The following ATP2C1 variants were observed in gnomAD, a reference collection of about 807,000 sequenced individuals.
ATP2C1 encodes ATPase secretory pathway Ca2+ transporting 1.
Under a neutral mutation model 120.5 loss-of-function variants are expected in ATP2C1, and 31 were observed. The ratio of observed to expected loss-of-function variants is 0.26; its 90% CI spans 0.19 to 0.35. ATP2C1 has a LOEUF of 0.35. Among genes scored for constraint, ATP2C1 ranks in the 10% least tolerant of loss-of-function variants. The probability of loss-of-function intolerance (pLI) is 1.00; values close to 1 mark genes in which losing one functional copy is unlikely to be tolerated. For synonymous variants in ATP2C1, 351 were observed against 358.7 expected (o/e 0.98, Z 0.24); for missense variants, 731 against 1,107.5 (o/e 0.66, Z 4.83).
intron 8 of ATP2C1, among the ~76,000 whole-genome samples, chr3:130,945,718 G>A (rs1466794031): frequency 6.6e-6 from 1 of 152,024 alleles, no homozygotes; most frequent in Non-Finnish European, 1.5e-5. Context: ...TGGCTTCATA[G>A]TATTCCCTGC....
At chr3:131,008,710 C>T (rs2063207537) in intron 26 of ATP2C1, among the ~76,000 whole-genome samples, 1 of 152,126 alleles carries the variant, frequency 6.6e-6, no homozygotes, top group African/African-American at 2.4e-5. Flanking sequence ...AAAATAGGCC[C>T]TGTACCTTGC....
At chr3:130,987,300 G>T (rs1197943724) in intron 20 of ATP2C1, among the ~76,000 whole-genome samples, 1 of 149,616 alleles carries the variant, frequency 6.7e-6, no homozygotes, top group African/African-American at 2.5e-5. Context: ...ACGTAGCCTC[G>T]TCTTCTGCTT....
intron 2 of ATP2C1, among the ~76,000 whole-genome samples, chr3:130,900,825 T>C (rs545021215): frequency 6.6e-6 from 1 of 152,330 alleles, no homozygotes; most frequent in Non-Finnish European, 1.5e-5. Context: ...GTAGTATAAA[T>C]AAATTAGCCT....
intron 1 of ATP2C1, among the ~76,000 whole-genome samples, chr3:130,883,399 T>G (rs1183025243): frequency 6.6e-6 from 1 of 152,168 alleles, no homozygotes; most frequent in Non-Finnish European, 1.5e-5. Flanking sequence ...TTTGATGTGC[T>G]ATTGCTTTTC....
rs1177136551 is a variant in ATP2C1 at position 131,015,223 on chromosome 3, T to C, written c.2630-929T>C. The C allele has an allele frequency of 3.3e-5, 23 of 702,302 alleles. No homozygotes were observed. In the East Asian group the frequency reaches 5.6e-4, roughly 17 times the overall value. The allele number at this position is 702,302 out of a possible 1,614,324, so 43.5% of individuals were successfully genotyped here. A position where few individuals can be genotyped will look rare whatever the true frequency, so the allele number is the denominator to read the frequency against. Reference sequence around the variant, plus strand: ...TCCCACCATATTTTGTATGCGTCCATATATCCTCATTCAAAGTATTGAAGG... The same window carrying C: ...TCCCACCATATTTTGTATGCGTCCACATATCCTCATTCAAAGTATTGAAGG... On this transcript the variant is annotated intron_variant, in intron 26 of 26. Transcript: ENST00000328560.
At position 130,894,998 on chromosome 3, in the gene ATP2C1, T is replaced by G. The variant is rs1203359190; in HGVS notation, c.6+223T>G. ...TGTGGGTGACTGAGCTTGATTCAGC[T>G]TTCTTGAGGAATTCCTGCTCTCTTC... On this transcript the variant is annotated intron_variant, in intron 2 of 27. Transcript: ENST00000510168. The surrounding 1 kb of genome is among the most constrained non-coding windows in gnomAD (Gnocchi z 4.5). Among the ~76,000 whole-genome samples the G allele has an allele frequency of 6.6e-6, 1 of 152,186 alleles. No homozygotes were observed. Among genetic ancestry groups the G allele is most frequent in the Non-Finnish European group, 1.5e-5 (1 of 68,038 alleles).
At chr3:130,884,895 A>T (rs2068911750) in intron 1 of ATP2C1, among the ~76,000 whole-genome samples, 1 of 149,236 alleles carries the variant, frequency 6.7e-6, no homozygotes, top group South Asian at 2.1e-4. Flanking sequence ...GTGTATCTTA[A>T]TAGGTGAAGT....
chr3:130,919,978 A>C (rs1188329200), intron 2 of ATP2C1, among the ~76,000 whole-genome samples: 1 of 152,098 alleles, frequency 6.6e-6, no homozygotes, highest in Non-Finnish European at 1.5e-5. Context: ...CTTACTGCCC[A>C]TTTGTATATG....
rs56991562 is a variant in ATP2C1, at chr3:130,989,565, C to CAA, written c.1840-3369_1840-3368dup. On this transcript the variant is annotated intron_variant, in intron 20 of 27. Transcript: ENST00000510168. ...GGGCAACAAGAGCGAAACTCCATCT[C>CAA]AAAAAAAAAAAAAAAAAACACAAAC... is the stretch of plus-strand genomic sequence containing the variant. Among the ~76,000 whole-genome samples, 215 of 114,500 alleles carry CAA rather than the reference C, an allele frequency of 1.9e-3. 4 individuals are homozygous for CAA. Among genetic ancestry groups the CAA allele is most frequent in the East Asian group, 0.013 (50 of 3,826 alleles). 75.1% of individuals were successfully genotyped at this position (114,500 alleles called of 152,430 possible).
chr3:130,996,596 G>T (rs1315170606), intron 23 of ATP2C1, 84 bp from the exon 24 acceptor site: 15 of 936,398 alleles, frequency 1.6e-5, no homozygotes, highest in Non-Finnish European at 2.7e-5. Context: ...AGTAGTAAGA[G>T]ATTTTTAAAT....
chr3:130,906,000 C>T (rs1398177782), intron 2 of ATP2C1, among the ~76,000 whole-genome samples: 1 of 152,048 alleles, frequency 6.6e-6, no homozygotes, highest in Non-Finnish European at 1.5e-5. Flanking sequence ...CCGGAGCCAC[C>T]TACAGTATGA....
chr3:130,998,415 T>C, intron 26 of ATP2C1, 26 bp downstream of exon 26: 2 of 1,469,892 alleles, frequency 1.4e-6, no homozygotes, highest in Non-Finnish European at 1.9e-6. Context: ...CTTAGTTGAT[T>C]GACTTGATTG....
chr3:130,854,029 A>T (rs1293710794), intron 1 of ATP2C1, among the ~76,000 whole-genome samples: 1 of 138,414 alleles, frequency 7.2e-6, no homozygotes, highest in Non-Finnish European at 1.7e-5. Flanking sequence ...CTCTTCTCGC[A>T]CTTGGTGTCA....
At chr3:130,893,833 G>A, upstream of ATP2C1, 1 of 700,344 alleles carries the variant, frequency 1.4e-6, no homozygotes, top group Non-Finnish European at 1.8e-6. Context: ...GCAAGAACAA[G>A]GCGGGCCACC....
chr3:130,998,450 A>G (rs2062732804), intron 26 of ATP2C1, 61 bp downstream of exon 26: 1 of 1,241,454 alleles, frequency 8.1e-7, no homozygotes, highest in African/African-American at 1.5e-5. Context: ...AGTGCTTTCT[A>G]ATAAGTAGGC....
At chr3:130,994,669 T>TTTA (rs1222352679) in intron 22 of ATP2C1, among the ~76,000 whole-genome samples, 14 of 149,322 alleles carry the variant, frequency 9.4e-5, no homozygotes, top group Non-Finnish European at 1.8e-4. Flanking sequence ...TTATTTATTT[T>TTTA]TTTGGTAGCT....
In ATP2C1 at chr3:130,937,445, T is replaced by A. The variant is rs1395666931; in HGVS notation, c.342T>A (p.Val114=). 6.2e-7 allele frequency: 1 copy of A among 1,613,752 alleles called. No homozygotes were observed. Among genetic ancestry groups the A allele is most frequent in the Non-Finnish European group, 8.5e-7 (1 of 1,179,750 alleles). ...TTGTTTAGGCAATACTTATCGTTGT[T>A]ACAGTTGCCTTTGTTCAGGTAAGTA... The part of the protein sequence containing the change: ...VSITVAILIV[V]TVAFVQEYRS... Residue 114 remains valine (V), a synonymous_variant, in exon 6 of 28, where the codon GTT becomes GTA. Transcript: ENST00000510168.
At chr3:130,972,110 C>A (rs950097611) in intron 17 of ATP2C1, among the ~76,000 whole-genome samples, 1 of 152,198 alleles carries the variant, frequency 6.6e-6, no homozygotes, top group African/African-American at 2.4e-5. Context: ...GCATTAGATT[C>A]TCTTAAGGAG....
rs984241181 is a variant in ATP2C1 at position 130,960,192 on chromosome 3, A to G, written c.899+851A>G. ...TAGCAACTGCAGTTTCTACCACAGGATCTTTTTGGGTTCTTCTAAACATTC... is the reference window on the plus strand; with the variant it reads ...TAGCAACTGCAGTTTCTACCACAGGGTCTTTTTGGGTTCTTCTAAACATTC... On this transcript the variant is annotated intron_variant, in intron 12 of 27. Coordinates refer to ENST00000510168, the MANE Select transcript of ATP2C1 (RefSeq NM_001378687.1). 2.6e-5 allele frequency among the ~76,000 whole-genome samples: 4 copies of G among 152,112 alleles called. No homozygotes were observed. The East Asian group carries it at 7.7e-4, about 29-fold the overall frequency.
Sources: allele counts gnomAD v4.1 joint callset (sites outside exome capture counted in the v4.1 genomes callset), GRCh38; gene constraint gnomAD v4.1.1; non-coding constraint Gnocchi (gnomAD v3.1); transcripts MANE v1.5; gene names NCBI Gene and HGNC (gene_info 2026-07-23, HGNC 2026-07-21).